The following DCC variants were observed in gnomAD, a reference collection of about 807,000 sequenced individuals.
The protein encoded by DCC is DCC netrin 1 receptor, also known as netrin receptor DCC.
In DCC, 58 loss-of-function variants were observed where a neutral mutation model predicts 172.5. The observed-to-expected ratio is 0.34, with a 90% confidence interval of 0.27 to 0.42. The LOEUF is 0.42. DCC is among the 10% of genes least tolerant of loss of function. The pLI, the probability that DCC is intolerant of heterozygous loss-of-function variation, is 1.00. For synonymous variants in DCC, 709 were observed against 644.5 expected, an observed-to-expected ratio of 1.10 and a Z score of -1.52; for missense variants, 1,740 against 1,791.0, an observed-to-expected ratio of 0.97 and a Z score of 0.51.
At chr18:52,553,227 T>C (rs1362483817) in intron 1 of DCC, among the ~76,000 whole-genome samples, 4 of 150,464 alleles carry the variant, frequency 2.7e-5, no homozygotes, top group Admixed American at 6.6e-5. Flanking sequence ...TATATACATA[T>C]ACACACACAC....
intron 12 of DCC, among the ~76,000 whole-genome samples, chr18:53,290,658 C>A (rs2056992276): frequency 6.6e-6 from 1 of 152,132 alleles, no homozygotes; most frequent in Admixed American, 6.5e-5. Context: ...AAAACTGTTT[C>A]TTCACAAGAT....
At chr18:53,138,939 A>G (rs1255840910) in intron 7 of DCC, among the ~76,000 whole-genome samples, 1 of 152,096 alleles carries the variant, frequency 6.6e-6, no homozygotes, top group African/African-American at 2.4e-5. Context: ...GATGGTGTCA[A>G]TATAAATTGT....
At chr18:52,381,389 C>A (rs1003425770) in intron 1 of DCC, among the ~76,000 whole-genome samples, 1 of 152,080 alleles carries the variant, frequency 6.6e-6, no homozygotes, top group Non-Finnish European at 1.5e-5. Context: ...TCAAATAATA[C>A]ACTATTTCTA....
At chr18:53,183,092 C>T (rs2055221364) in intron 9 of DCC, among the ~76,000 whole-genome samples, 1 of 152,066 alleles carries the variant, frequency 6.6e-6, no homozygotes, top group Non-Finnish European at 1.5e-5. Flanking sequence ...AGCTTGTATA[C>T]AAATTGAATT....
intron 1 of DCC, among the ~76,000 whole-genome samples, chr18:52,663,012 A>G (rs2035391462): frequency 6.6e-6 from 1 of 152,154 alleles, no homozygotes; most frequent in South Asian, 2.1e-4. Context: ...GGGGAAAACA[A>G]ACATTCAGAC....
intron 1 of DCC, among the ~76,000 whole-genome samples, chr18:52,369,716 AG>A (rs1332959190): frequency 5.3e-5 from 8 of 152,020 alleles, no homozygotes; most frequent in Non-Finnish European, 1.0e-4. Flanking sequence ...TATAACTCAA[AG>A]GTGATGTTAC....
chr18:52,617,654 G>A (rs2034408544), intron 1 of DCC, among the ~76,000 whole-genome samples: 1 of 151,934 alleles, frequency 6.6e-6, no homozygotes, highest in African/African-American at 2.4e-5. Flanking sequence ...GGAAGAAGTG[G>A]ATCATTTGTT....
chr18:53,051,984 C>T (rs2042340200), intron 5 of DCC, among the ~76,000 whole-genome samples: 1 of 152,008 alleles, frequency 6.6e-6, no homozygotes, highest in African/African-American at 2.4e-5. Context: ...ACTGCATCAT[C>T]TTTCTTTGTA....
intron 1 of DCC, among the ~76,000 whole-genome samples, chr18:52,663,063 C>T (rs182289134): frequency 8.5e-5 from 13 of 152,290 alleles, no homozygotes; most frequent in African/African-American, 3.1e-4. Context: ...TCAGAGTAGA[C>T]TCACACTTCT....
At chr18:53,376,474 G>A (rs181198957) in intron 15 of DCC, among the ~76,000 whole-genome samples, 44 of 152,220 alleles carry the variant, frequency 2.9e-4, no homozygotes, top group African/African-American at 1.0e-3. Context: ...GATGATGAAA[G>A]CTATCATATA....
At chr18:53,215,818 T>C (rs550781817) in intron 12 of DCC, among the ~76,000 whole-genome samples, 2 of 152,320 alleles carry the variant, frequency 1.3e-5, no homozygotes, top group East Asian at 3.9e-4. Context: ...TATTTTGATT[T>C]ACAAATATTA....
At chr18:52,636,523 G>T (rs1415270714) in intron 1 of DCC, among the ~76,000 whole-genome samples, 1 of 152,138 alleles carries the variant, frequency 6.6e-6, no homozygotes, top group East Asian at 1.9e-4. Flanking sequence ...CAGCCCTTTG[G>T]TTTGCGTCCA....
At position 52,603,591 on chromosome 18, in the gene DCC, T is replaced by TACACAC. The variant is rs10553153; in HGVS notation, c.92-148433_92-148428dup. ...TAGAAACCCTAAAATGTGAAGTTAATACACACACACACACACACACACACA... is the reference window on the plus strand; with the variant it reads ...TAGAAACCCTAAAATGTGAAGTTAATACACACACACACACACACACACACACACACA... On this transcript the variant is annotated intron_variant, in intron 1 of 28. Transcript: ENST00000442544. 6.9e-3 allele frequency among the ~76,000 whole-genome samples: 1,005 copies of TACACAC among 144,684 alleles called. 11 individuals are homozygous for TACACAC. The highest frequency in any genetic ancestry group is 0.031 in the South Asian group (138 of 4,462). The allele number at this position is 144,684 out of a possible 152,430, so 94.9% of individuals were successfully genotyped here.
Position 53,425,677 on chromosome 18 carries a change from T to C in DCC, c.3164-9467T>C, listed in dbSNP as rs1238257712. 2.6e-5 allele frequency among the ~76,000 whole-genome samples: 4 copies of C among 152,178 alleles called. No individual in the cohort carries two copies. The East Asian group carries it at 7.7e-4, about 29-fold the overall frequency. ...GCTCCTGGCCCCCTATTCCTTCTTT[T>C]AGTTATTTATTCACCTATAATGCTA... On this transcript the variant is annotated intron_variant, in intron 21 of 28. Coordinates refer to ENST00000442544, the MANE Select transcript of DCC (RefSeq NM_005215.4).
At chr18:53,079,797 G>T (rs897096442) in intron 7 of DCC, among the ~76,000 whole-genome samples, 1 of 152,138 alleles carries the variant, frequency 6.6e-6, no homozygotes, top group Admixed American at 6.6e-5. Context: ...CAAAGAAATT[G>T]CTGGTAGAAG....
chr18:52,957,206 C>A (rs925718900), intron 5 of DCC, among the ~76,000 whole-genome samples: 4 of 151,998 alleles, frequency 2.6e-5, no homozygotes, highest in East Asian at 1.9e-4. Flanking sequence ...CTTTATGGAA[C>A]CTTAATGACC....
chr18:52,531,586 T>C (rs2032152845), intron 1 of DCC, among the ~76,000 whole-genome samples: 1 of 152,200 alleles, frequency 6.6e-6, no homozygotes, highest in Non-Finnish European at 1.5e-5. Flanking sequence ...AATTGAAATA[T>C]GTTTCTCTGT....
Position 52,468,690 on chromosome 18 carries a change from T to C in DCC, c.91+127812T>C, listed in dbSNP as rs192551099. On this transcript the variant is annotated intron_variant, in intron 1 of 28. Transcript: ENST00000442544. The stretch of plus-strand genomic sequence containing the variant: ...AACAGCCAGGAGACATAAACACTAG[T>C]AGAGTTGAATTGAGCTTATCCTCAG... Among the ~76,000 whole-genome samples the C allele has an allele frequency of 5.1e-4, 78 of 152,296 alleles. No homozygotes were observed. In the East Asian group the frequency reaches 0.012, roughly 24 times the overall value.
chr18:53,059,955 C>A (rs1268949963), intron 5 of DCC, among the ~76,000 whole-genome samples: 2 of 152,016 alleles, frequency 1.3e-5, no homozygotes, highest in Non-Finnish European at 2.9e-5. Flanking sequence ...CCACTGATGA[C>A]TGATAACACT....
Sources: allele counts gnomAD v4.1 joint callset (sites outside exome capture counted in the v4.1 genomes callset), GRCh38; gene constraint gnomAD v4.1.1; transcripts MANE v1.5; gene names NCBI Gene and HGNC (gene_info 2026-07-23, HGNC 2026-07-21).